CGNL1: variants seen among roughly 807,000 people sequenced by gnomAD.
CGNL1 encodes cingulin like 1.
Under a neutral mutation model 141.2 loss-of-function variants are expected in CGNL1, and 132 were observed. The observed-to-expected ratio is 0.93, with a 90% CI of 0.81 to 1.08. The LOEUF is 1.08. Ranked by LOEUF, CGNL1 falls within the 50% of genes least tolerant of loss-of-function variation. The probability of loss-of-function intolerance (pLI) is 0.00; values close to 1 mark genes in which losing one functional copy is unlikely to be tolerated. For missense variants in CGNL1, 1,870 were observed against 1,588.6 expected (o/e 1.18, Z -3.01); for synonymous variants, 690 against 622.1 (o/e 1.11, Z -1.63).
intron 8 of CGNL1, among the ~76,000 whole-genome samples, chr15:57,490,441 G>A (rs1275123842): frequency 1.3e-5 from 2 of 151,978 alleles, no homozygotes; most frequent in Non-Finnish European, 2.9e-5. Context: ...CACTCACATT[G>A]ATGAGGTATG....
intron 1 of CGNL1, among the ~76,000 whole-genome samples, chr15:57,412,883 A>G (rs868048206): frequency 2.0e-5 from 3 of 151,538 alleles, no homozygotes; most frequent in Admixed American, 1.3e-4. Flanking sequence ...TCTTTTTGAG[A>G]CGGAATCTCA....
intron 17 of CGNL1, 36 bp downstream of exon 17, chr15:57,545,736 G>A: frequency 6.5e-7 from 1 of 1,546,106 alleles, no homozygotes; most frequent in Non-Finnish European, 8.9e-7. Context: ...TCTTAGATGA[G>A]ATTGCGTGTC....
In CGNL1 at chr15:57,461,768, T is replaced by A. The variant is rs1426211136; in HGVS notation, c.2279T>A (p.Leu760His). The change falls in exon 8 of 19, where the codon CTC (leucine) becomes CAC (histidine). Residue 760 changes from leucine to histidine, a missense_variant. Coordinates refer to ENST00000281282, the MANE Select transcript of CGNL1 (RefSeq NM_032866.5). ...CTCTTGAGAAAGCGAGAGCGTGAAC[T>A]CACCGCCCTGAAGGGAGCCCTGAAA... ...EDLLRKRERE[L>H]TALKGALKEE... 6.2e-7 allele frequency: 1 copy of A among 1,614,098 alleles called. No individual in the cohort carries two copies. Among genetic ancestry groups the A allele is most frequent in the Non-Finnish European group, 8.5e-7 (1 of 1,180,012 alleles).
chr15:57,383,292 C>CT (rs59213732), intron 1 of CGNL1, among the ~76,000 whole-genome samples: 2,288 of 109,586 alleles, frequency 0.021, 40 homozygotes, highest in Middle Eastern at 0.037. Context: ...TTCTTTCTTC[C>CT]TTTTTTTTTT....
intron 1 of CGNL1, among the ~76,000 whole-genome samples, chr15:57,433,960 C>T (rs908278343): frequency 7.6e-6 from 1 of 131,780 alleles, no homozygotes; most frequent in Admixed American, 7.9e-5. Context: ...CACTCACCAA[C>T]TAATAGTCTT....
intron 4 of CGNL1, among the ~76,000 whole-genome samples, chr15:57,444,159 C>T (rs528533305): frequency 1.1e-4 from 16 of 152,238 alleles, no homozygotes; most frequent in African/African-American, 3.1e-4. Context: ...CACCTAGAGT[C>T]GTTTTGCCTT....
At chr15:57,528,082 C>T (rs1329874841) in intron 12 of CGNL1, among the ~76,000 whole-genome samples, 2 of 152,144 alleles carry the variant, frequency 1.3e-5, no homozygotes, top group African/African-American at 4.8e-5. Context: ...CATGGTGAAG[C>T]TCCATCTGTA....
At chr15:57,451,787 G>A (rs922275036) in intron 5 of CGNL1, among the ~76,000 whole-genome samples, 186 bp downstream of exon 5, 8 of 151,284 alleles carry the variant, frequency 5.3e-5, no homozygotes, top group Non-Finnish European at 1.0e-4. Flanking sequence ...TTTTTTTAAT[G>A]TAACCAAAGC....
chr15:57,543,917 C>A, intron 15 of CGNL1, 138 bp downstream of exon 15: 1 of 615,934 alleles, frequency 1.6e-6, no homozygotes, highest in Admixed American at 3.1e-5. Context: ...CAGTCCTTTT[C>A]CAGAGTTGTT....
intron 1 of CGNL1, among the ~76,000 whole-genome samples, chr15:57,411,353 G>T (rs1433992380): frequency 6.6e-6 from 1 of 152,088 alleles, no homozygotes; most frequent in Non-Finnish European, 1.5e-5. Context: ...AACCAGATCT[G>T]GTTTTCCTTG....
chr15:57,517,082 G>T, intron 9 of CGNL1, 96 bp downstream of exon 9: 3 of 1,193,544 alleles, frequency 2.5e-6, no homozygotes, highest in Non-Finnish European at 3.6e-6. Flanking sequence ...TTATTGTCAT[G>T]ATGTAGTAGG....
At chr15:57,484,553 TA>T (rs1345291513) in intron 8 of CGNL1, among the ~76,000 whole-genome samples, 1 of 152,262 alleles carries the variant, frequency 6.6e-6, no homozygotes, top group Non-Finnish European at 1.5e-5. Flanking sequence ...TTAGATTTTT[TA>T]TTTTTTATTT....
Position 57,418,230 on chromosome 15 carries a change from C to T in CGNL1, c.-15-19755C>T, listed in dbSNP as rs547356397. Among the ~76,000 whole-genome samples, 5 of 152,224 alleles carry T rather than the reference C, an allele frequency of 3.3e-5. No homozygotes were observed. In the East Asian group the frequency reaches 9.6e-4, roughly 29 times the overall value. On this transcript the variant is annotated intron_variant, in intron 1 of 18. Transcript: ENST00000281282. ...TAACTTGGCTACCCCTTGTTTTCAG[C>T]CAAAATAACACCCCAGTCCATATTT... is the stretch of plus-strand genomic sequence containing the variant.
At chr15:57,451,355 G>A (rs1595717766) in intron 4 of CGNL1, 145 bp from the exon 5 acceptor site, 1 of 585,150 alleles carries the variant, frequency 1.7e-6, no homozygotes, top group Admixed American at 3.1e-5. Flanking sequence ...AAGGTTCCCT[G>A]AAGGGGTTGA....
chr15:57,511,201 C>T (rs1451410199), intron 8 of CGNL1, among the ~76,000 whole-genome samples: 1 of 152,160 alleles, frequency 6.6e-6, no homozygotes, highest in South Asian at 2.1e-4. Flanking sequence ...CATAGTCAGT[C>T]ATTGTTACCA....
At chr15:57,400,680 G>T (rs543013954) in intron 1 of CGNL1, among the ~76,000 whole-genome samples, 3 of 151,850 alleles carry the variant, frequency 2.0e-5, no homozygotes, top group African/African-American at 7.3e-5. Context: ...GTCGGGAGTT[G>T]GAGACCAGCC....
chr15:57,530,859 C>T (rs1305220116), intron 13 of CGNL1, among the ~76,000 whole-genome samples: 5 of 152,154 alleles, frequency 3.3e-5, no homozygotes, highest in African/African-American at 1.2e-4. Context: ...ATTGCAGAGA[C>T]AATATTTATA....
At chr15:57,441,111 A>T (rs2152310008) in intron 3 of CGNL1, among the ~76,000 whole-genome samples, 1 of 152,330 alleles carries the variant, frequency 6.6e-6, no homozygotes, top group South Asian at 2.1e-4. Flanking sequence ...TACATGACTG[A>T]AAACCAGCCA....
chr15:57,383,883 C>T (rs1044719224), intron 1 of CGNL1, among the ~76,000 whole-genome samples: 1 of 152,086 alleles, frequency 6.6e-6, no homozygotes, highest in Non-Finnish European at 1.5e-5. Context: ...AAGCCATCCA[C>T]CCACCTAGGC....
Sources: allele counts gnomAD v4.1 joint callset (sites outside exome capture counted in the v4.1 genomes callset), GRCh38; gene constraint gnomAD v4.1.1; transcripts MANE v1.5; gene names NCBI Gene and HGNC (gene_info 2026-07-23, HGNC 2026-07-21).